The following SLC9A7 variants were observed in gnomAD, a reference collection of about 807,000 sequenced individuals.
The protein encoded by SLC9A7 is sodium/hydrogen exchanger 7.
A neutral mutation model predicts 52.6 loss-of-function variants in SLC9A7; 19 were observed. The observed-to-expected ratio is 0.36, with a 90% CI of 0.25 to 0.53. SLC9A7 has a LOEUF of 0.53. SLC9A7 is among the 20% of genes least tolerant of loss of function. The pLI, the probability that SLC9A7 is intolerant of heterozygous loss-of-function variation, is 0.91. For missense variants in SLC9A7, 455 were observed against 597.9 expected, an observed-to-expected ratio of 0.76 and a Z score of 2.49; for synonymous variants, 226 against 252.1, an observed-to-expected ratio of 0.90 and a Z score of 0.98.
chrX:46,610,054 T>C (rs1942823385), intron 16 of SLC9A7, among the ~76,000 whole-genome samples: 1 of 112,190 alleles, frequency 8.9e-6, no homozygotes, highest in Non-Finnish European at 1.9e-5. Context: ...GGAGAGTGAT[T>C]CTGACATCAA....
intron 1 of SLC9A7, among the ~76,000 whole-genome samples, chrX:46,732,243 C>T (rs1156993884): frequency 9.2e-6 from 1 of 108,146 alleles, no homozygotes. Flanking sequence ...ACATCATTCA[C>T]TCATACTTAC....
intron 14 of SLC9A7, among the ~76,000 whole-genome samples, chrX:46,622,287 G>C (rs755919685): frequency 4.5e-5 from 5 of 111,660 alleles, no homozygotes; most frequent in Non-Finnish European, 7.5e-5. Flanking sequence ...ATGAGCAAGA[G>C]AGAGAGCACA....
chrX:46,646,812 T>C (rs1943500583), intron 11 of SLC9A7: 1 of 336,363 alleles, frequency 3.0e-6, no homozygotes, highest in African/African-American at 2.6e-5. Flanking sequence ...AGTACCCATT[T>C]CCCCTCCTTA....
At chrX:46,698,269 C>T (rs1944478021) in intron 1 of SLC9A7, among the ~76,000 whole-genome samples, 1 of 111,554 alleles carries the variant, frequency 9.0e-6, no homozygotes, top group Non-Finnish European at 1.9e-5. Flanking sequence ...TAAAAACTTG[C>T]TTGTTTTTGC....
intron 15 of SLC9A7, among the ~76,000 whole-genome samples, chrX:46,615,913 C>A (rs1322240304): frequency 1.8e-5 from 2 of 109,789 alleles, no homozygotes; most frequent in Middle Eastern, 4.7e-3. Context: ...TTTTTTCTTC[C>A]CAATTTTTAT....
intron 1 of SLC9A7, chrX:46,725,865 C>T: frequency 4.2e-6 from 2 of 478,980 alleles, no homozygotes; most frequent in Non-Finnish European, 7.6e-6. Flanking sequence ...AAACCATAAA[C>T]CACTTATTTC....
Position 46,604,347 on chromosome X carries a change from C to T in SLC9A7, c.*2605G>A, listed in dbSNP as rs1422441731. On this transcript the variant is annotated 3_prime_UTR_variant, in exon 17 of 17. Coordinates refer to ENST00000616978, the MANE Select transcript of SLC9A7 (RefSeq NM_001257291.2). ...GATAGGTTGTTTAGCATTTTTCAAA[C>T]TTCCAAAGCCCATGGATGACCATAA... 1.8e-5 allele frequency: 2 copies of T among 112,119 alleles called. No homozygotes were observed. Among genetic ancestry groups the T allele is most frequent in the African/African-American group, 6.5e-5 (2 of 30,784 alleles). The allele number at this position is 112,119 out of a possible 1,213,427, so 9.2% of individuals were successfully genotyped here.
chrX:46,599,518 A>T lies in SLC9A7; in HGVS notation c.*7434T>A, dbSNP rs1465465328. 8.9e-6 allele frequency: 1 copy of T among 112,318 alleles called. No individual in the cohort carries two copies. The highest frequency in any genetic ancestry group is 1.9e-5 in the Non-Finnish European group (1 of 53,332). 9.3% of individuals were successfully genotyped at this position (112,318 alleles called of 1,213,427 possible). A position where few individuals can be genotyped will look rare whatever the true frequency, so the allele number is the denominator to read the frequency against. On this transcript the variant is annotated 3_prime_UTR_variant, in exon 17 of 17. Coordinates refer to ENST00000616978, the MANE Select transcript of SLC9A7 (RefSeq NM_001257291.2). The stretch of plus-strand genomic sequence containing the variant: ...TTGAGTTTTGTTTTTTTAAAAAAAG[A>T]AAAGCTTTGAGAAAATGTGTTAAAT...
At chrX:46,628,930 G>C (rs962080388) in intron 14 of SLC9A7, among the ~76,000 whole-genome samples, 1 of 112,734 alleles carries the variant, frequency 8.9e-6, no homozygotes, top group African/African-American at 3.2e-5. Flanking sequence ...GAGGAGGTCA[G>C]ACCAGGAGGA....
At chrX:46,660,012 C>G (rs1943784386) in intron 7 of SLC9A7, among the ~76,000 whole-genome samples, 1 of 109,982 alleles carries the variant, frequency 9.1e-6, no homozygotes, top group East Asian at 2.8e-4. Flanking sequence ...ATACTGGTAC[C>G]AAAACAGAGA....
chrX:46,736,536 AT>A (rs1945125192), intron 1 of SLC9A7, among the ~76,000 whole-genome samples: 1 of 111,608 alleles, frequency 9.0e-6, no homozygotes, highest in African/African-American at 3.3e-5. Flanking sequence ...TGAGGTAAAT[AT>A]TTTTTATACT....
At chrX:46,755,889 C>T (rs948121894) in intron 1 of SLC9A7, among the ~76,000 whole-genome samples, 1 of 108,425 alleles carries the variant, frequency 9.2e-6, no homozygotes, top group African/African-American at 3.4e-5. Context: ...TGACCTCTCC[C>T]TCCCACTCCT....
At chrX:46,646,075 T>C (rs759582786) in intron 11 of SLC9A7, among the ~76,000 whole-genome samples, 8 of 109,397 alleles carry the variant, frequency 7.3e-5, no homozygotes, top group African/African-American at 2.7e-4. Flanking sequence ...GAGGAAACTG[T>C]TTTTTTTTGT....
intron 5 of SLC9A7, among the ~76,000 whole-genome samples, chrX:46,669,167 C>CAAA (rs35516404): frequency 3.8e-4 from 28 of 74,432 alleles, no homozygotes; most frequent in African/African-American, 1.4e-3. Context: ...GACTCTGTCT[C>CAAA]AAAAAAAAAA....
intron 2 of SLC9A7, among the ~76,000 whole-genome samples, chrX:46,681,111 A>C (rs1037615956): frequency 1.8e-5 from 2 of 112,095 alleles, no homozygotes; most frequent in African/African-American, 6.5e-5. Context: ...AGCAACAATC[A>C]TCCTGGCCTT....
At chrX:46,609,241 G>T (rs1037467267) in intron 16 of SLC9A7, among the ~76,000 whole-genome samples, 2 of 111,900 alleles carry the variant, frequency 1.8e-5, no homozygotes, top group Non-Finnish European at 3.8e-5. Context: ...AGGAAACCCT[G>T]GGCATGAACT....
chrX:46,661,544 G>GT (rs1380952199), intron 7 of SLC9A7, among the ~76,000 whole-genome samples: 1 of 111,210 alleles, frequency 9.0e-6, no homozygotes, highest in African/African-American at 3.3e-5. Context: ...TTTCCACACT[G>GT]TTTTTTTAGT....
chrX:46,641,740 G>A (rs1943409258), intron 12 of SLC9A7, among the ~76,000 whole-genome samples: 1 of 111,628 alleles, frequency 9.0e-6, no homozygotes, highest in Admixed American at 9.5e-5. Flanking sequence ...TAGCACAGTG[G>A]TTAAGAGTGT....
chrX:46,621,165 C>T, intron 14 of SLC9A7, 106 bp from the exon 15 acceptor site: 2 of 444,581 alleles, frequency 4.5e-6, no homozygotes, highest in Non-Finnish European at 7.8e-6. Context: ...AGCTCATAGT[C>T]AAACATCCCA....
Sources: gnomAD v4.1 joint callset for allele counts (sites outside exome capture counted in the v4.1 genomes callset) on GRCh38, gnomAD v4.1.1 for gene constraint, MANE v1.5 for transcripts, NCBI Gene and HGNC (gene_info 2026-07-23, HGNC 2026-07-21) for gene names.